Variants in CAMK1D observed in about 807,000 individuals in gnomAD.
CAMK1D encodes calcium/calmodulin dependent protein kinase ID, also known as calcium/calmodulin-dependent protein kinase type 1D.
A neutral mutation model predicts 47.7 loss-of-function variants in CAMK1D; 9 were observed. That is an observed-to-expected ratio of 0.19 (90% CI 0.11 to 0.33). The LOEUF is 0.33. CAMK1D is among the 10% of genes least tolerant of loss of function. The pLI is 1.00. For missense variants in CAMK1D, 291 were observed against 488.7 expected, an observed-to-expected ratio of 0.60 and a Z score of 3.81; for synonymous variants, 184 against 184.9, an observed-to-expected ratio of 0.99 and a Z score of 0.04.
intron 2 of CAMK1D, among the ~76,000 whole-genome samples, chr10:12,628,442 G>C (rs1359333688): frequency 6.6e-6 from 1 of 152,114 alleles, no homozygotes; most frequent in Admixed American, 6.5e-5. Context: ...CTTTATCATA[G>C]TCTAGCAGTT....
intron 2 of CAMK1D, among the ~76,000 whole-genome samples, chr10:12,588,885 C>CGCGTGTGT: frequency 2.1e-5 from 1 of 48,682 alleles, no homozygotes; most frequent in East Asian, 4.4e-4. Flanking sequence ...TGTGTGTGTG[C>CGCGTGTGT]GTGCGTGTGT....
chr10:12,685,224 C>T (rs954971444), intron 3 of CAMK1D, among the ~76,000 whole-genome samples: 5 of 152,258 alleles, frequency 3.3e-5, no homozygotes, highest in Middle Eastern at 3.4e-3. Flanking sequence ...ACACTTGAAC[C>T]GGAGAGGCGG....
At chr10:12,820,040 G>A (rs1211782978) in intron 8 of CAMK1D, among the ~76,000 whole-genome samples, 2 of 152,170 alleles carry the variant, frequency 1.3e-5, no homozygotes, top group African/African-American at 2.4e-5. Context: ...GTTCAGCCTG[G>A]GCCACGCTGC....
intron 1 of CAMK1D, among the ~76,000 whole-genome samples, chr10:12,491,501 G>A (rs1179800091): frequency 1.3e-5 from 2 of 152,116 alleles, no homozygotes; most frequent in Non-Finnish European, 1.5e-5. Flanking sequence ...GGGGGTGGGT[G>A]GATGGGAATT....
intron 2 of CAMK1D, among the ~76,000 whole-genome samples, chr10:12,580,820 C>T (rs1564425605): frequency 6.6e-6 from 1 of 152,214 alleles, no homozygotes; most frequent in Admixed American, 6.5e-5. Flanking sequence ...AATTGAACAA[C>T]TGACATCAGC....
At chr10:12,625,574 T>C (rs376259673) in intron 2 of CAMK1D, among the ~76,000 whole-genome samples, 1 of 117,386 alleles carries the variant, frequency 8.5e-6, no homozygotes, top group Non-Finnish European at 1.9e-5. Flanking sequence ...CAAACAATCC[T>C]CTCGCCTCCG....
intron 5 of CAMK1D, among the ~76,000 whole-genome samples, chr10:12,779,521 C>T (rs1588917318): frequency 1.3e-5 from 2 of 152,250 alleles, no homozygotes; most frequent in Admixed American, 6.5e-5. Flanking sequence ...CCTCGATCCC[C>T]TGGGCTCAGG....
chr10:12,779,531 G>C (rs1837401769), intron 5 of CAMK1D, among the ~76,000 whole-genome samples: 1 of 152,144 alleles, frequency 6.6e-6, no homozygotes, highest in South Asian at 2.1e-4. Context: ...CTGGGCTCAG[G>C]TGATCCTCCC....
At chr10:12,506,728 C>T (rs868747990) in intron 1 of CAMK1D, among the ~76,000 whole-genome samples, 2 of 152,078 alleles carry the variant, frequency 1.3e-5, no homozygotes, top group Non-Finnish European at 2.9e-5. Context: ...CCGTGCTACC[C>T]GGGATGGTCT....
chr10:12,418,956 G>A lies in CAMK1D; in HGVS notation c.92+69046G>A, dbSNP rs574913512. ...GGAAGGCCTCAGTCGCGGGCGTGGT[G>A]TGTCCGAAGCCGTTGCTCACAGAAC... is the stretch of plus-strand genomic sequence containing the variant. On this transcript the variant is annotated intron_variant, in intron 1 of 10. Transcript: ENST00000619168. Among the ~76,000 whole-genome samples, 242 of 152,284 alleles carry A rather than the reference G, an allele frequency of 1.6e-3. 3 individuals are homozygous for A. The highest frequency in any genetic ancestry group is 5.1e-3 in the African/African-American group (213 of 41,554).
Position 12,830,964 on chromosome 10 carries a change from C to CACACACACACACACACACACACACACAA in CAMK1D, c.*2078_*2079insCACACACACACACACACACACACACAAA, listed in dbSNP as rs529970088. 3.3e-5 allele frequency: 3 copies of CACACACACACACACACACACACACACAA among 89,730 alleles called. No individual in the cohort carries two copies. Among genetic ancestry groups the CACACACACACACACACACACACACACAA allele is most frequent in the African/African-American group, 1.2e-4 (3 of 25,330 alleles). 5.6% of individuals were successfully genotyped at this position (89,730 alleles called of 1,614,324 possible). A position where few individuals can be genotyped will look rare whatever the true frequency, so the allele number is the denominator to read the frequency against. On this transcript the variant is annotated 3_prime_UTR_variant, in exon 11 of 11. Coordinates refer to ENST00000619168, the MANE Select transcript of CAMK1D (RefSeq NM_153498.4). ...ACACACACACACACACACACACACA[C>CACACACACACACACACACACACACACAA]AATGTTATTAGGCACAGCAGCTCCA... is the stretch of plus-strand genomic sequence containing the variant.
chr10:12,817,429 G>T (rs1383973747), intron 8 of CAMK1D, among the ~76,000 whole-genome samples: 1 of 152,082 alleles, frequency 6.6e-6, no homozygotes, highest in Non-Finnish European at 1.5e-5. Flanking sequence ...AGAGTTGATG[G>T]CATTCTACAC....
At chr10:12,410,428 C>A (rs1839617945) in intron 1 of CAMK1D, among the ~76,000 whole-genome samples, 1 of 152,182 alleles carries the variant, frequency 6.6e-6, no homozygotes, top group African/African-American at 2.4e-5. Context: ...TCGCCCCCTA[C>A]CTCCTGAAGG....
At chr10:12,393,308 G>A (rs1294561880) in intron 1 of CAMK1D, among the ~76,000 whole-genome samples, 3 of 152,174 alleles carry the variant, frequency 2.0e-5, no homozygotes, top group East Asian at 3.8e-4. Flanking sequence ...TGAGATTACA[G>A]GCGTGAGACA....
chr10:12,516,027 C>T (rs928683927), intron 1 of CAMK1D, among the ~76,000 whole-genome samples: 6 of 152,276 alleles, frequency 3.9e-5, no homozygotes, highest in South Asian at 4.1e-4. Flanking sequence ...TGTTCCTTTT[C>T]GTTGCTGAAT....
chr10:12,482,808 A>G lies in CAMK1D; in HGVS notation c.93-70417A>G, dbSNP rs12241924. Among the ~76,000 whole-genome samples, 831 of 152,266 alleles carry G rather than the reference A, an allele frequency of 5.5e-3. 9 individuals are homozygous for G. The highest frequency in any genetic ancestry group is 0.019 in the African/African-American group (788 of 41,542). The stretch of plus-strand genomic sequence containing the variant: ...TTTGGTCTCTGAACTCACCAAAGGG[A>G]TGTCACGACGGTGCTGGAGAGCTCC... On this transcript the variant is annotated intron_variant, in intron 1 of 10. Transcript: ENST00000619168.
chr10:12,561,564 C>T (rs1012676608), intron 2 of CAMK1D, among the ~76,000 whole-genome samples: 1 of 152,164 alleles, frequency 6.6e-6, no homozygotes, highest in African/African-American at 2.4e-5. Flanking sequence ...GAACTTTCCC[C>T]TAAGTCCGGA....
intron 6 of CAMK1D, among the ~76,000 whole-genome samples, chr10:12,791,506 C>A (rs1837977652): frequency 6.6e-6 from 1 of 152,140 alleles, no homozygotes; most frequent in Admixed American, 6.6e-5. Flanking sequence ...CCCCTGGAAA[C>A]CTCTGTACTC....
chr10:12,376,742 T>TA (rs1838193534), intron 1 of CAMK1D, among the ~76,000 whole-genome samples: 1 of 150,430 alleles, frequency 6.6e-6, no homozygotes, highest in African/African-American at 2.5e-5. Context: ...TAGTAACCAT[T>TA]TTTTTTCTTT....
Sources: allele counts gnomAD v4.1 joint callset (sites outside exome capture counted in the v4.1 genomes callset), GRCh38; gene constraint gnomAD v4.1.1; transcripts MANE v1.5; gene names NCBI Gene and HGNC (gene_info 2026-07-23, HGNC 2026-07-21).